Variants in RAB5IF observed in about 807,000 individuals in gnomAD.
The protein encoded by RAB5IF is RAB5 interacting factor, also known as GEL complex subunit OPTI.
A neutral mutation model predicts 20.3 loss-of-function variants in RAB5IF; 15 were observed. The ratio of observed to expected loss-of-function variants is 0.74; its 90% CI spans 0.50 to 1.14. The LOEUF (loss-of-function observed/expected upper bound fraction) is 1.14. Among genes scored for constraint, RAB5IF ranks in the 50% most tolerant of loss-of-function variants. The pLI, the probability that RAB5IF is intolerant of heterozygous loss-of-function variation, is 0.00. For synonymous variants in RAB5IF, 67 were observed against 63.7 expected (o/e 1.05, Z -0.25); for missense variants, 148 against 159.5 (o/e 0.93, Z 0.39).
intron 2 of RAB5IF, 130 bp downstream of exon 2, chr20:36,607,948 GC>G: frequency 6.6e-7 from 1 of 1,519,804 alleles, no homozygotes. Context: ...CAAAGAAGCA[GC>G]CCTACAGTGG....
At chr20:36,611,977 G>C in intron 3 of RAB5IF, 33 bp from the exon 4 acceptor site, 6 of 1,611,486 alleles carry the variant, frequency 3.7e-6, no homozygotes, top group Non-Finnish European at 5.1e-6. Context: ...GTTAAGCCAG[G>C]TGACCTATGA....
In RAB5IF at chr20:36,605,785, C is replaced by G; in HGVS notation, c.-167C>G. On this transcript the variant is annotated 5_prime_UTR_variant, in exon 1 of 4. Coordinates refer to ENST00000344795, the MANE Select transcript of RAB5IF (RefSeq NM_018840.5). ...CCTTCGCGGCGCCTGCTCTGTAGAG[C>G]CGGCGGAACCGGGTAGCTTGGCCAG... The G allele has an allele frequency of 2.5e-6, 1 of 396,198 alleles. No homozygotes were observed. The highest frequency in any genetic ancestry group is 4.5e-6 in the Non-Finnish European group (1 of 224,654). 24.5% of individuals were successfully genotyped at this position (396,198 alleles called of 1,614,324 possible). A position where few individuals can be genotyped will look rare whatever the true frequency, so the allele number is the denominator to read the frequency against.
Position 36,612,526 on chromosome 20 carries a change from A to G in RAB5IF, c.*475A>G. On this transcript the variant is annotated 3_prime_UTR_variant, in exon 4 of 4. Transcript: ENST00000344795. ...AGTTTCCATTGTAGAATGTTTTCAC[A>G]TACTTGAATAAATCAAATCTTTAAT... 2.5e-6 allele frequency: 1 copy of G among 401,814 alleles called. No homozygotes were observed. Among genetic ancestry groups the G allele is most frequent in the Non-Finnish European group, 4.6e-6 (1 of 215,462 alleles). The allele number at this position is 401,814 out of a possible 1,614,324, so 24.9% of individuals were successfully genotyped here. A position where few individuals can be genotyped will look rare whatever the true frequency, so the allele number is the denominator to read the frequency against.
In RAB5IF at chr20:36,606,050, G is replaced by A. The variant is rs558353606; in HGVS notation, c.99G>A (p.Ala33=). Residue 33 remains alanine, a synonymous_variant, in exon 1 of 4, where the codon GCG becomes GCA. Transcript: ENST00000344795. ...GGAGTAAGGTGCTGCGGAGCGACGC[G>A]GCCTGGGAGGATAAGGTACGGTGGA... is the stretch of plus-strand genomic sequence containing the variant. ...SVWSKVLRSD[A]AWEDKDEFLD... is the part of the protein sequence containing the mutation. 3.3e-6 allele frequency: 5 copies of A among 1,511,830 alleles called. No homozygotes were observed. Among genetic ancestry groups the A allele is most frequent in the Non-Finnish European group, 4.4e-6 (5 of 1,124,262 alleles). 93.7% of individuals were successfully genotyped at this position (1,511,830 alleles called of 1,614,324 possible). A position where few individuals can be genotyped will look rare whatever the true frequency, so the allele number is the denominator to read the frequency against.
At chr20:36,609,256 C>CTATATATATATATATATA (rs60707085) in intron 2 of RAB5IF, among the ~76,000 whole-genome samples, 20 of 121,664 alleles carry the variant, frequency 1.6e-4, no homozygotes, top group African/African-American at 6.3e-4. Context: ...CACACACACA[C>CTATATATATATATATATA]TATATATAGA....
intron 1 of RAB5IF, among the ~76,000 whole-genome samples, chr20:36,607,259 CTTT>C (rs1157365481): frequency 3.5e-4 from 47 of 132,862 alleles, no homozygotes; most frequent in African/African-American, 1.2e-3. Flanking sequence ...CTAAATGTAT[CTTT>C]TTTTTTTTTT....
intron 2 of RAB5IF, 109 bp from the exon 3 acceptor site, chr20:36,609,492 A>G (rs779092126): frequency 6.2e-6 from 9 of 1,440,116 alleles, no homozygotes; most frequent in African/African-American, 2.9e-5. Flanking sequence ...CGCCCACCTC[A>G]GCCTCCCAAA....
At chr20:36,609,253 A>C (rs911582473) in intron 2 of RAB5IF, among the ~76,000 whole-genome samples, 9 of 134,440 alleles carry the variant, frequency 6.7e-5, no homozygotes, top group East Asian at 2.1e-4. Flanking sequence ...ACACACACAC[A>C]CACTATATAT....
chr20:36,609,542 G>A (rs747679846), intron 2 of RAB5IF, 59 bp from the exon 3 acceptor site: 27 of 1,519,702 alleles, frequency 1.8e-5, no homozygotes, highest in African/African-American at 1.5e-4. Flanking sequence ...ACCCGGCCCC[G>A]AGTTCTGAGT....
chr20:36,608,186 G>A, intron 2 of RAB5IF: 1 of 342,788 alleles, frequency 2.9e-6, no homozygotes, highest in South Asian at 2.3e-5. Flanking sequence ...CATTTCCCTT[G>A]TTCCTGGCAC....
intron 2 of RAB5IF, among the ~76,000 whole-genome samples, chr20:36,609,372 T>C (rs1286030292): frequency 6.6e-6 from 1 of 151,802 alleles, no homozygotes; most frequent in Non-Finnish European, 1.5e-5. Context: ...CCTGAGCAGC[T>C]GGGATTACAG....
chr20:36,609,209 ACGCACACACG>A (rs1483654269), intron 2 of RAB5IF, among the ~76,000 whole-genome samples: 1,096 of 63,840 alleles, frequency 0.017, 291 homozygotes, highest in African/African-American at 0.027. Flanking sequence ...ACACGCACAC[ACGCACACACG>A]CACACACACA....
rs141883588 is a variant in RAB5IF, at chr20:36,612,175, C to A, written c.*124C>A. On this transcript the variant is annotated 3_prime_UTR_variant, in exon 4 of 4. Transcript: ENST00000344795. ...TGGAAGACCCGTGTTTCCTGGACCG[C>A]GAATCAGTGTGTTGGGCATCAGTGT... 1 of 1,614,058 alleles carries A rather than the reference C, an allele frequency of 6.2e-7. No homozygotes were observed. Among genetic ancestry groups the A allele is most frequent in the Non-Finnish European group, 8.5e-7 (1 of 1,180,044 alleles).
intron 3 of RAB5IF, among the ~76,000 whole-genome samples, chr20:36,611,261 G>T (rs1426953255): frequency 1.3e-5 from 2 of 152,190 alleles, no homozygotes; most frequent in African/African-American, 2.4e-5. Context: ...AAAGTACTGG[G>T]ATTACAGGTG....
chr20:36,609,311 T>TC (rs1392177832), intron 2 of RAB5IF, among the ~76,000 whole-genome samples: 2 of 151,008 alleles, frequency 1.3e-5, no homozygotes, highest in Non-Finnish European at 3.0e-5. Flanking sequence ...CAATTTCGGC[T>TC]CACTGCAACC....
chr20:36,612,159 C>T lies in RAB5IF; in HGVS notation c.*108C>T, dbSNP rs138333574. 3.7e-5 allele frequency: 60 copies of T among 1,614,034 alleles called. No individual in the cohort carries two copies. Among genetic ancestry groups the T allele is most frequent in the African/African-American group, 1.9e-4 (14 of 74,904 alleles). ...CCAGCCCCTTGGAACTTGGAAGACC[C>T]GTGTTTCCTGGACCGCGAATCAGTG... On this transcript the variant is annotated 3_prime_UTR_variant, in exon 4 of 4. Coordinates refer to ENST00000344795, the MANE Select transcript of RAB5IF (RefSeq NM_018840.5).
At position 36,605,808 on chromosome 20, in the gene RAB5IF, C is replaced by CAGGT; in HGVS notation, c.-143_-140dup. The CAGGT allele has an allele frequency of 2.4e-6, 1 of 424,202 alleles. No individual in the cohort carries two copies. Among genetic ancestry groups the CAGGT allele is most frequent in the Non-Finnish European group, 4.1e-6 (1 of 244,688 alleles). 26.3% of individuals were successfully genotyped at this position (424,202 alleles called of 1,614,324 possible). ...AGCCGGCGGAACCGGGTAGCTTGGC[C>CAGGT]AGGTTGTGAGGAACCGCAGCGCGCC... On this transcript the variant is annotated 5_prime_UTR_variant, in exon 1 of 4. Transcript: ENST00000344795.
At chr20:36,609,194 C>CACACA (rs1568595462) in intron 2 of RAB5IF, among the ~76,000 whole-genome samples, 1 of 43,316 alleles carries the variant, frequency 2.3e-5, no homozygotes, top group Non-Finnish European at 4.4e-5. Context: ...CACACACACA[C>CACACA]GCACACACGC....
At chr20:36,609,192 CACGCACACACGCACACACGCACACACG>C (rs1568595449) in intron 2 of RAB5IF, among the ~76,000 whole-genome samples, 45 of 52,242 alleles carry the variant, frequency 8.6e-4, no homozygotes, top group African/African-American at 4.3e-3. Context: ...CACACACACA[CACGCACACACGCACACACGCACACACG>C]CACACACACA....
Sources: allele counts gnomAD v4.1 joint callset (sites outside exome capture counted in the v4.1 genomes callset), GRCh38; gene constraint gnomAD v4.1.1; transcripts MANE v1.5; gene names NCBI Gene and HGNC (gene_info 2026-07-23, HGNC 2026-07-21).